Variants in CTTNBP2 observed in about 807,000 individuals in gnomAD.
CTTNBP2 encodes cortactin binding protein 2.
A neutral mutation model predicts 156.9 loss-of-function variants in CTTNBP2; 108 were observed. The ratio of observed to expected loss-of-function variants is 0.69; its 90% CI spans 0.59 to 0.81. The LOEUF (loss-of-function observed/expected upper bound fraction) is 0.81. Among genes scored for constraint, CTTNBP2 ranks in the 30% least tolerant of loss-of-function variants. The pLI, the probability that CTTNBP2 is intolerant of heterozygous loss-of-function variation, is 0.00. For missense variants in CTTNBP2, 1,924 were observed against 2,035.4 expected, an observed-to-expected ratio of 0.95 and a Z score of 1.05; for synonymous variants, 767 against 751.8, an observed-to-expected ratio of 1.02 and a Z score of -0.33.
chr7:117,817,872 C>T (rs1800713648), intron 2 of CTTNBP2, among the ~76,000 whole-genome samples: 1 of 152,084 alleles, frequency 6.6e-6, no homozygotes, highest in Non-Finnish European at 1.5e-5. Context: ...CAGACTGAGG[C>T]TTACAAAAAT....
intron 2 of CTTNBP2, among the ~76,000 whole-genome samples, chr7:117,837,450 T>C (rs1802025049): frequency 6.6e-6 from 1 of 152,178 alleles, no homozygotes; most frequent in Non-Finnish European, 1.5e-5. Flanking sequence ...TCCCTGTCAT[T>C]TGCCCTAACC....
At chr7:117,806,051 T>C (rs1799921903) in intron 3 of CTTNBP2, among the ~76,000 whole-genome samples, 1 of 152,212 alleles carries the variant, frequency 6.6e-6, no homozygotes, top group African/African-American at 2.4e-5. Flanking sequence ...TGTTATGTTA[T>C]TGTCGAATTT....
intron 2 of CTTNBP2, among the ~76,000 whole-genome samples, chr7:117,826,825 GCATTATTATT>G (rs1257928624): frequency 7.6e-6 from 1 of 131,058 alleles, no homozygotes; most frequent in Admixed American, 8.7e-5. Context: ...TTTCTACTGA[GCATTATTATT>G]ATTATTATTA....
At chr7:117,774,954 T>C (rs1798014321) in intron 8 of CTTNBP2, among the ~76,000 whole-genome samples, 1 of 152,224 alleles carries the variant, frequency 6.6e-6, no homozygotes, top group African/African-American at 2.4e-5. Context: ...ATAAGTGGAT[T>C]ACTTTCTGAA....
rs1383967383 is a variant in CTTNBP2, at chr7:117,718,217, C to T, written c.4645-98G>A. On this transcript the variant is annotated intron_variant, in intron 21 of 22. Transcript: ENST00000160373. ...TGGAGAAATCACAGCAGAAGTGTTA[C>T]TCTTATCCTCTTCCCTGCCCCTCAA... 6 of 697,676 alleles carry T rather than the reference C, an allele frequency of 8.6e-6. No homozygotes were observed. In the East Asian group the frequency reaches 1.1e-4, roughly 13 times the overall value. The allele number at this position is 697,676 out of a possible 1,614,324, so 43.2% of individuals were successfully genotyped here. A position where few individuals can be genotyped will look rare whatever the true frequency, so the allele number is the denominator to read the frequency against.
intron 19 of CTTNBP2, among the ~76,000 whole-genome samples, chr7:117,723,743 C>T (rs113190948): frequency 6.1e-5 from 9 of 148,488 alleles, no homozygotes; most frequent in African/African-American, 1.8e-4. Context: ...AACTCGATGA[C>T]GGCAGGATCT....
At chr7:117,837,840 G>A (rs1223671199) in intron 2 of CTTNBP2, among the ~76,000 whole-genome samples, 2 of 152,130 alleles carry the variant, frequency 1.3e-5, no homozygotes, top group African/African-American at 4.8e-5. Context: ...ACTCATACCT[G>A]TCTATAAAGG....
chr7:117,754,128 C>A (rs192857711), intron 12 of CTTNBP2, among the ~76,000 whole-genome samples: 2 of 152,266 alleles, frequency 1.3e-5, no homozygotes, highest in African/African-American at 2.4e-5. Context: ...GATCATTTCC[C>A]AGACTTCACT....
chr7:117,777,444 A>G, intron 8 of CTTNBP2, 67 bp downstream of exon 8: 1 of 1,522,170 alleles, frequency 6.6e-7, no homozygotes, highest in Non-Finnish European at 8.9e-7. Context: ...CACTTAATCT[A>G]TAGCAGACAA....
rs1303360771 is a variant in CTTNBP2, at chr7:117,711,680, T to C, written c.4849A>G (p.Arg1617Gly). The C allele has an allele frequency of 6.2e-7, 1 of 1,614,074 alleles. No individual in the cohort carries two copies. The highest frequency in any genetic ancestry group is 1.1e-5 in the South Asian group (1 of 91,080). The change falls in exon 23 of 23, where the codon AGA becomes GGA. Residue 1617 changes from arginine to glycine, a missense_variant. Transcript: ENST00000160373. The stretch of plus-strand genomic sequence containing the variant: ...TGGGAACACTGGGTGACTTTACTTC[T>C]AGGAACAGGAAGAAAAGATTTAACT... ...SRVKSFLPVP[R>G]SKVTQCSQNT...
chr7:117,716,429 C>T (rs76836910), intron 22 of CTTNBP2, among the ~76,000 whole-genome samples: 4,393 of 152,200 alleles, frequency 0.029, 77 homozygotes, highest in Non-Finnish European at 0.044. Flanking sequence ...CTGGCCCCTT[C>T]CACTGACGAT....
At chr7:117,790,537 GC>G (rs1798934051) in intron 4 of CTTNBP2, among the ~76,000 whole-genome samples, 1 of 151,680 alleles carries the variant, frequency 6.6e-6, no homozygotes, top group South Asian at 2.1e-4. Flanking sequence ...AGGGTACATG[GC>G]TTTTGAAATA....
intron 8 of CTTNBP2, among the ~76,000 whole-genome samples, chr7:117,775,079 A>G (rs1215298711): frequency 2.6e-5 from 4 of 152,238 alleles, no homozygotes; most frequent in African/African-American, 9.6e-5. Flanking sequence ...GGACTCAGGC[A>G]ATCTGGGCTT....
At chr7:117,778,030 A>G (rs1360591558) in intron 7 of CTTNBP2, among the ~76,000 whole-genome samples, 2 of 152,210 alleles carry the variant, frequency 1.3e-5, no homozygotes, top group African/African-American at 2.4e-5. Context: ...GTGAGCAGGT[A>G]CTGTCCAGGG....
At chr7:117,833,061 C>A (rs1293634786) in intron 2 of CTTNBP2, among the ~76,000 whole-genome samples, 1 of 152,032 alleles carries the variant, frequency 6.6e-6, no homozygotes, top group African/African-American at 2.4e-5. Flanking sequence ...GGCCCATCAA[C>A]CTTCTTTTAT....
intron 2 of CTTNBP2, among the ~76,000 whole-genome samples, chr7:117,813,686 A>C (rs551116397): frequency 6.6e-6 from 1 of 151,940 alleles, no homozygotes; most frequent in Non-Finnish European, 1.5e-5. Context: ...GTTCAGCCCC[A>C]CCTCCACTGA....
At chr7:117,853,199 C>A (rs1803041229) in intron 2 of CTTNBP2, among the ~76,000 whole-genome samples, 1 of 152,102 alleles carries the variant, frequency 6.6e-6, no homozygotes, top group Admixed American at 6.6e-5. Flanking sequence ...TTGCTTAATG[C>A]CTAACCCACC....
At chr7:117,862,076 T>C (rs111419741) in intron 1 of CTTNBP2, among the ~76,000 whole-genome samples, 73 of 151,188 alleles carry the variant, frequency 4.8e-4, no homozygotes, top group African/African-American at 9.0e-4. Flanking sequence ...CACACACACA[T>C]ACACAGTACA....
At chr7:117,788,548 C>G (rs1207440398) in intron 4 of CTTNBP2, among the ~76,000 whole-genome samples, 1 of 152,168 alleles carries the variant, frequency 6.6e-6, no homozygotes, top group Non-Finnish European at 1.5e-5. Flanking sequence ...CAAGCTCAAC[C>G]AGGCACAGAC....
Sources: allele counts gnomAD v4.1 joint callset (sites outside exome capture counted in the v4.1 genomes callset), GRCh38; gene constraint gnomAD v4.1.1; transcripts MANE v1.5; gene names NCBI Gene and HGNC (gene_info 2026-07-23, HGNC 2026-07-21).